Variants in PTPRN2 observed in about 807,000 individuals in gnomAD.
PTPRN2 encodes receptor-type tyrosine-protein phosphatase N2.
Under a neutral mutation model 118.8 loss-of-function variants are expected in PTPRN2, and 74 were observed. The observed-to-expected ratio is 0.62, with a 90% CI of 0.52 to 0.76. PTPRN2 has a LOEUF of 0.76. PTPRN2 is among the 30% of genes least tolerant of loss of function. PTPRN2 has a pLI of 0.00. For synonymous variants in PTPRN2, 641 were observed against 608.0 expected, an observed-to-expected ratio of 1.05 and a Z score of -0.80; for missense variants, 1,481 against 1,394.4, an observed-to-expected ratio of 1.06 and a Z score of -0.99.
intron 12 of PTPRN2, among the ~76,000 whole-genome samples, chr7:157,778,335 C>T (rs148162869): frequency 3.9e-5 from 6 of 152,022 alleles, no homozygotes; most frequent in South Asian, 4.1e-4. Context: ...CAAATGCCCA[C>T]GTACATGTGA....
chr7:157,664,595 T>C (rs115136184), intron 13 of PTPRN2, among the ~76,000 whole-genome samples: 1,755 of 151,934 alleles, frequency 0.012, 35 homozygotes, highest in African/African-American at 0.041. Context: ...TGAGACCCCA[T>C]CTCCAAAAAA....
chr7:157,828,784 C>T (rs919452191), intron 12 of PTPRN2, among the ~76,000 whole-genome samples: 7 of 152,302 alleles, frequency 4.6e-5, no homozygotes, highest in South Asian at 2.1e-4. Context: ...TGCCGACTCC[C>T]GAAAATGCCC....
rs78099383 is a variant in PTPRN2, at chr7:157,677,245, T to G, written c.2001+5480A>C. ...AAAATGAAGCCACAGAATTCAGCCC[T>G]CCACATTTTATGTCTCAGACTTTCC... On this transcript the variant is annotated intron_variant, in intron 13 of 22. Coordinates refer to ENST00000389418, the MANE Select transcript of PTPRN2 (RefSeq NM_002847.5). Among the ~76,000 whole-genome samples the G allele has an allele frequency of 3.8e-3, 585 of 152,282 alleles. 1 individual carries two copies. The highest frequency in any genetic ancestry group is 6.9e-3 in the Non-Finnish European group (470 of 68,026).
At chr7:158,332,919 CCAT>C (rs1440722802) in intron 2 of PTPRN2, among the ~76,000 whole-genome samples, 5 of 150,424 alleles carry the variant, frequency 3.3e-5, no homozygotes, top group African/African-American at 1.2e-4. Flanking sequence ...CACACTCTCA[CCAT>C]AAGAAGTGAC....
At chr7:158,369,865 A>G (rs560518597) in intron 2 of PTPRN2, among the ~76,000 whole-genome samples, 61 of 152,330 alleles carry the variant, frequency 4.0e-4, no homozygotes, top group Non-Finnish European at 8.4e-4. Context: ...ACAACCATAA[A>G]AAGCAAGATA....
intron 12 of PTPRN2, among the ~76,000 whole-genome samples, chr7:157,835,219 C>A (rs1807849620): frequency 6.6e-6 from 1 of 152,132 alleles, no homozygotes; most frequent in South Asian, 2.1e-4. Context: ...GCTACCCTTT[C>A]CAACGAAGAT....
chr7:158,001,327 C>T (rs777296669), intron 11 of PTPRN2, among the ~76,000 whole-genome samples: 2 of 108,682 alleles, frequency 1.8e-5, no homozygotes, highest in Non-Finnish European at 4.1e-5. Flanking sequence ...CTGTGCATGT[C>T]ACAGAGGGGA....
intron 21 of PTPRN2, among the ~76,000 whole-genome samples, chr7:157,557,184 C>T (rs565633407): frequency 2.8e-4 from 42 of 151,182 alleles, no homozygotes; most frequent in African/African-American, 9.2e-4. Context: ...CAGGCATGCA[C>T]ACACCACACA....
intron 2 of PTPRN2, among the ~76,000 whole-genome samples, chr7:158,433,789 TC>T: frequency 6.6e-6 from 1 of 152,346 alleles, no homozygotes; most frequent in South Asian, 2.1e-4. Context: ...TTTCACCTTT[TC>T]TTCTTTTCTA....
chr7:157,828,155 C>A (rs776697696), intron 12 of PTPRN2, among the ~76,000 whole-genome samples: 17 of 152,228 alleles, frequency 1.1e-4, no homozygotes, highest in Non-Finnish European at 1.6e-4. Flanking sequence ...AATTCAGCAT[C>A]ACGTCTTACT....
intron 3 of PTPRN2, among the ~76,000 whole-genome samples, chr7:158,298,206 C>T (rs1586165527): frequency 6.6e-6 from 1 of 152,156 alleles, no homozygotes; most frequent in Admixed American, 6.5e-5. Flanking sequence ...CTCATTTCTT[C>T]GTACCTATTT....
At chr7:158,017,955 C>T (rs990787557) in intron 11 of PTPRN2, among the ~76,000 whole-genome samples, 4 of 152,166 alleles carry the variant, frequency 2.6e-5, no homozygotes, top group East Asian at 1.9e-4. Flanking sequence ...GAAGAGCCTC[C>T]GAGCCCATCA....
chr7:158,295,039 A>T (rs1800384573), intron 3 of PTPRN2, among the ~76,000 whole-genome samples: 1 of 146,784 alleles, frequency 6.8e-6, no homozygotes. Flanking sequence ...CACCTTTCTG[A>T]GGGTCCAAGC....
intron 2 of PTPRN2, among the ~76,000 whole-genome samples, chr7:158,415,673 A>G (rs958027741): frequency 5.9e-5 from 9 of 151,948 alleles, no homozygotes; most frequent in East Asian, 5.8e-4. Flanking sequence ...CCCACCCTAC[A>G]ATGGCTCATT....
At position 158,223,088 on chromosome 7, in the gene PTPRN2, G is replaced by A. The variant is rs112293224; in HGVS notation, c.278-17815C>T. Among the ~76,000 whole-genome samples the A allele has an allele frequency of 1.3e-3, 198 of 152,182 alleles. 1 individual carries two copies. The highest frequency in any genetic ancestry group is 4.4e-3 in the African/African-American group (184 of 41,532). ...CCTGACAACATAGATGAAATGGATC[G>A]ACTCCTTGAAATCCACAAGTTACCT... is the stretch of plus-strand genomic sequence containing the variant. On this transcript the variant is annotated intron_variant, in intron 3 of 22. Coordinates refer to ENST00000389418, the MANE Select transcript of PTPRN2 (RefSeq NM_002847.5).
intron 12 of PTPRN2, among the ~76,000 whole-genome samples, chr7:157,771,302 G>C (rs1802788237): frequency 1.3e-5 from 2 of 152,234 alleles, no homozygotes; most frequent in Admixed American, 1.3e-4. Flanking sequence ...AGATTATAGA[G>C]CTGAGAGCAA....
chr7:158,484,697 G>A (rs1382027471), intron 2 of PTPRN2, among the ~76,000 whole-genome samples: 1 of 152,140 alleles, frequency 6.6e-6, no homozygotes, highest in Admixed American at 6.6e-5. Flanking sequence ...CATGTCCCCC[G>A]TGACTTTTGT....
intron 1 of PTPRN2, among the ~76,000 whole-genome samples, chr7:158,578,876 C>T: frequency 6.6e-6 from 1 of 152,116 alleles, no homozygotes; most frequent in Non-Finnish European, 1.5e-5. Context: ...GATTCTCCTG[C>T]CTCAGCCCCC....
chr7:158,309,725 G>A (rs545712476), intron 3 of PTPRN2, among the ~76,000 whole-genome samples: 35 of 152,116 alleles, frequency 2.3e-4, no homozygotes, highest in South Asian at 4.2e-4. Context: ...CTTATCCCAG[G>A]AATATAAGAT....
Sources: allele counts gnomAD v4.1 joint callset (sites outside exome capture counted in the v4.1 genomes callset), GRCh38; gene constraint gnomAD v4.1.1; transcripts MANE v1.5; gene names NCBI Gene and HGNC (gene_info 2026-07-23, HGNC 2026-07-21).